The following LRP1B variants were observed in gnomAD, a reference collection of about 807,000 sequenced individuals.
LRP1B encodes LDL receptor related protein 1B.
LRP1B carries 217 observed loss-of-function variants against 556.6 expected under a neutral mutation model. The ratio of observed to expected loss-of-function variants is 0.39; its 90% confidence interval spans 0.35 to 0.44. The LOEUF is 0.44. LRP1B is among the 20% of genes least tolerant of loss of function. The pLI is 1.00. For missense variants in LRP1B, 5,053 were observed against 5,620.8 expected, an observed-to-expected ratio of 0.90 and a Z score of 3.23; for synonymous variants, 2,047 against 1,865.8, an observed-to-expected ratio of 1.10 and a Z score of -2.50.
intron 41 of LRP1B, among the ~76,000 whole-genome samples, chr2:140,671,627 C>T (rs952640796): frequency 6.6e-6 from 1 of 152,118 alleles, no homozygotes; most frequent in East Asian, 1.9e-4. Flanking sequence ...ATTACTCGCA[C>T]ATCTGTTTTC....
intron 3 of LRP1B, among the ~76,000 whole-genome samples, chr2:141,362,725 C>T (rs1688873508): frequency 6.6e-6 from 1 of 151,114 alleles, no homozygotes; most frequent in South Asian, 2.1e-4. Context: ...TATTTTGTGC[C>T]CACAAAATAA....
intron 43 of LRP1B, among the ~76,000 whole-genome samples, chr2:140,574,586 A>G (rs1681446982): frequency 6.6e-6 from 1 of 152,314 alleles, no homozygotes; most frequent in South Asian, 2.1e-4. Flanking sequence ...TTCCACAAGG[A>G]TTCATTTTAG....
chr2:140,553,034 A>G lies in LRP1B; in HGVS notation c.7195-11063T>C, dbSNP rs574844653. Reference sequence around the variant, plus strand: ...ATAAACCAGACAACATATTTCCAACACCCAGATGCTAAATGTTAAACCAAA... The same window carrying G: ...ATAAACCAGACAACATATTTCCAACGCCCAGATGCTAAATGTTAAACCAAA... On this transcript the variant is annotated intron_variant, in intron 43 of 90. Coordinates refer to ENST00000389484, the MANE Select transcript of LRP1B (RefSeq NM_018557.3). Among the ~76,000 whole-genome samples, 7 of 152,164 alleles carry G rather than the reference A, an allele frequency of 4.6e-5. No homozygotes were observed. The East Asian group carries it at 1.4e-3, about 29-fold the overall frequency.
chr2:140,966,718 T>C (rs1034687630), intron 18 of LRP1B, among the ~76,000 whole-genome samples: 1 of 152,212 alleles, frequency 6.6e-6, no homozygotes, highest in African/African-American at 2.4e-5. Flanking sequence ...TTAATTTTTT[T>C]ATAAGGTGTA....
chr2:140,370,948 G>T, intron 70 of LRP1B, 106 bp from the exon 71 acceptor site: 1 of 1,218,458 alleles, frequency 8.2e-7, no homozygotes, highest in Non-Finnish European at 1.1e-6. Context: ...TATACCATGG[G>T]CTTTCTTTCA....
intron 2 of LRP1B, among the ~76,000 whole-genome samples, chr2:141,653,734 A>G (rs759868677): frequency 2.4e-4 from 37 of 152,202 alleles, no homozygotes; most frequent in Non-Finnish European, 4.4e-4. Flanking sequence ...AAGCAACCTG[A>G]GTATATTAAT....
At chr2:140,292,945 T>C (rs547288670) in intron 84 of LRP1B, among the ~76,000 whole-genome samples, 21 of 152,246 alleles carry the variant, frequency 1.4e-4, no homozygotes, top group Non-Finnish European at 2.6e-4. Flanking sequence ...TAATACCGAT[T>C]GCAAAACATG....
intron 7 of LRP1B, among the ~76,000 whole-genome samples, chr2:141,090,896 G>A (rs1312310115): frequency 6.6e-6 from 1 of 152,070 alleles, no homozygotes; most frequent in Non-Finnish European, 1.5e-5. Flanking sequence ...AAGAAGATTT[G>A]ACTGCAAATA....
At chr2:140,562,491 C>A (rs1461502618) in intron 43 of LRP1B, among the ~76,000 whole-genome samples, 2 of 152,082 alleles carry the variant, frequency 1.3e-5, no homozygotes, top group African/African-American at 2.4e-5. Context: ...GTTTGGCAAA[C>A]AAAATTTGCT....
chr2:140,594,881 T>C (rs1039013240), intron 43 of LRP1B, among the ~76,000 whole-genome samples: 1 of 151,926 alleles, frequency 6.6e-6, no homozygotes, highest in African/African-American at 2.4e-5. Flanking sequence ...TCTCTTCTTA[T>C]ATTTCATGGT....
chr2:141,388,330 G>C (rs148613182), intron 3 of LRP1B, among the ~76,000 whole-genome samples: 8,572 of 152,152 alleles, frequency 0.056, 284 homozygotes, highest in South Asian at 0.083. Context: ...CAGCTACTTG[G>C]GAGGCTGAGG....
intron 2 of LRP1B, among the ~76,000 whole-genome samples, chr2:141,769,859 T>G (rs956821969): frequency 6.6e-6 from 1 of 151,904 alleles, no homozygotes; most frequent in Non-Finnish European, 1.5e-5. Context: ...CCTTGAAAAT[T>G]ACCTAGTCTC....
chr2:140,320,153 CTGAT>C (rs1241271782), intron 82 of LRP1B, among the ~76,000 whole-genome samples: 5 of 152,136 alleles, frequency 3.3e-5, no homozygotes, highest in Non-Finnish European at 7.4e-5. Flanking sequence ...GAAATTCTGA[CTGAT>C]CCCCTATTTG....
At chr2:140,789,285 C>T (rs1690022663) in intron 32 of LRP1B, among the ~76,000 whole-genome samples, 1 of 152,078 alleles carries the variant, frequency 6.6e-6, no homozygotes, top group Non-Finnish European at 1.5e-5. Flanking sequence ...CAATTACCTA[C>T]CTCCAAATTA....
chr2:141,386,572 C>T (rs1235394143), intron 3 of LRP1B, among the ~76,000 whole-genome samples: 1 of 151,964 alleles, frequency 6.6e-6, no homozygotes, highest in Non-Finnish European at 1.5e-5. Flanking sequence ...GAGATAGTTA[C>T]ATTAACATCA....
chr2:141,110,207 C>T (rs1305788120), intron 7 of LRP1B, among the ~76,000 whole-genome samples: 1 of 152,068 alleles, frequency 6.6e-6, no homozygotes, highest in Non-Finnish European at 1.5e-5. Flanking sequence ...ATAGGCATTT[C>T]ATGTGGGTGG....
chr2:141,034,654 G>A (rs199848180), intron 11 of LRP1B, among the ~76,000 whole-genome samples: 15,804 of 151,112 alleles, frequency 0.1, 889 homozygotes, highest in East Asian at 0.22. Flanking sequence ...AAACCACAAT[G>A]AGATACCATC....
chr2:141,791,947 A>T (rs1489348025), intron 2 of LRP1B, among the ~76,000 whole-genome samples: 1 of 151,974 alleles, frequency 6.6e-6, no homozygotes, highest in East Asian at 1.9e-4. Flanking sequence ...ATAGATTCCC[A>T]TGAATCAAAA....
intron 2 of LRP1B, among the ~76,000 whole-genome samples, chr2:141,519,877 C>T (rs1038029791): frequency 2.0e-5 from 3 of 152,136 alleles, no homozygotes; most frequent in Middle Eastern, 3.4e-3. Context: ...ACTGGATGAT[C>T]GTGTTGACTC....
Sources: gnomAD v4.1 joint callset for allele counts (sites outside exome capture counted in the v4.1 genomes callset) on GRCh38, gnomAD v4.1.1 for gene constraint, MANE v1.5 for transcripts, NCBI Gene and HGNC (gene_info 2026-07-23, HGNC 2026-07-21) for gene names.